The following TRIM27 variants were observed in gnomAD, a reference collection of about 807,000 sequenced individuals.
The protein encoded by TRIM27 is zinc finger protein RFP.
TRIM27 carries 12 observed loss-of-function variants against 57.6 expected under a neutral mutation model. The observed-to-expected ratio is 0.21, with a 90% CI of 0.13 to 0.34. The LOEUF (loss-of-function observed/expected upper bound fraction) is 0.34, where lower values mean the gene tolerates loss of function less well. TRIM27 is among the 10% of genes least tolerant of loss of function. The pLI, the probability that TRIM27 is intolerant of heterozygous loss-of-function variation, is 1.00. For synonymous variants in TRIM27, 266 were observed against 259.0 expected, an observed-to-expected ratio of 1.03 and a Z score of -0.26; for missense variants, 403 against 656.8, an observed-to-expected ratio of 0.61 and a Z score of 4.22.
Position 28,911,732 on chromosome 6 carries a change from G to GA in TRIM27, c.748-15dup, listed in dbSNP as rs546798772. The GA allele has an allele frequency of 2.4e-3, 3,917 of 1,605,390 alleles. 15 individuals carry two copies. Among genetic ancestry groups the GA allele is most frequent in the Non-Finnish European group, 2.7e-3 (3,214 of 1,176,830 alleles). On this transcript the variant is annotated splice_polypyrimidine_tract_variant and intron_variant, in intron 3 of 7. Coordinates refer to ENST00000377199, the MANE Select transcript of TRIM27 (RefSeq NM_006510.5). Reference sequence around the variant, plus strand: ...GTCCCCAATGTCCTGCAAGAGAAAGGAAAAAAAATAACCATGAGAAGTCAT... The same window carrying GA: ...GTCCCCAATGTCCTGCAAGAGAAAGGAAAAAAAAATAACCATGAGAAGTCAT...
At chr6:28,918,807 C>T (rs1431175377) in intron 3 of TRIM27, among the ~76,000 whole-genome samples, 11 of 151,780 alleles carry the variant, frequency 7.2e-5, no homozygotes, top group African/African-American at 2.2e-4. Flanking sequence ...ACCCAGGAGG[C>T]GGAGGTTGCA....
In TRIM27 at chr6:28,918,066, T is replaced by C. The variant is rs371063585; in HGVS notation, c.747+1946A>G. ...GTCTCAATCTCCCGACCTCAGGTGA[T>C]CTGCCCACCTCGGCCTCCCAAAGTG... On this transcript the variant is annotated intron_variant, in intron 3 of 7. Transcript: ENST00000377199. Among the ~76,000 whole-genome samples the C allele has an allele frequency of 1.4e-3, 208 of 152,260 alleles. 2 individuals carry two copies. In the South Asian group the frequency reaches 0.022, roughly 16 times the overall value.
chr6:28,907,496 G>A (rs2150461536), intron 6 of TRIM27: 1 of 700,528 alleles, frequency 1.4e-6, no homozygotes, highest in South Asian at 1.5e-5. Flanking sequence ...ACATGCCTGA[G>A]ACTGGTAGAA....
At chr6:28,917,889 C>T (rs1262241745) in intron 3 of TRIM27, among the ~76,000 whole-genome samples, 1 of 151,414 alleles carries the variant, frequency 6.6e-6, no homozygotes, top group East Asian at 2.0e-4. Flanking sequence ...TGCAATGGCG[C>T]AATCTCGGCT....
chr6:28,907,332 T>C (rs1479069975), intron 6 of TRIM27, 70 bp from the exon 7 acceptor site: 2 of 1,503,778 alleles, frequency 1.3e-6, no homozygotes, highest in East Asian at 2.3e-5. Flanking sequence ...TAAGGGGGCT[T>C]TGGTTAGTCA....
chr6:28,923,246 C>G lies in TRIM27; in HGVS notation c.387G>C (p.Val129=). 1 of 1,603,592 alleles carries G rather than the reference C, an allele frequency of 6.2e-7. No homozygotes were observed. Among genetic ancestry groups the G allele is most frequent in the Non-Finnish European group, 8.5e-7 (1 of 1,175,218 alleles). Residue 129 remains valine, a synonymous_variant, in exon 1 of 8, where the codon GTG becomes GTC. Coordinates refer to ENST00000377199, the MANE Select transcript of TRIM27 (RefSeq NM_006510.5). ...DRSREHRGHS[V]LPLEEAVEGF... is the part of the protein sequence containing the mutation. Reference sequence around the variant, plus strand: ...CCTCCACCGCCTCCTCGAGCGGCAGCACGCTGTGGCCGCGGTGCTCGCGGG... The same window carrying G: ...CCTCCACCGCCTCCTCGAGCGGCAGGACGCTGTGGCCGCGGTGCTCGCGGG...
chr6:28,905,535 T>A (rs527597920), intron 7 of TRIM27: 1 of 152,286 alleles, frequency 6.6e-6, no homozygotes, highest in East Asian at 1.9e-4. Context: ...ACTTTTTAAA[T>A]CACTCTTTTA....
rs1490647161 is a variant in TRIM27 at position 28,923,513 on chromosome 6, G to A, written c.120C>T (p.Leu40=). Residue 40 remains leucine (L), a synonymous_variant, in exon 1 of 8, where the codon CTC becomes CTT. Coordinates refer to ENST00000377199, the MANE Select transcript of TRIM27 (RefSeq NM_006510.5). ...TCTCTGCCGTGCCCCAGCAGCGGGC[G>A]AGGCACGCGCAACAGATGTTATGGC... ...DCGHNICCAC[L]ARCWGTAETN... 1.2e-6 allele frequency: 2 copies of A among 1,612,012 alleles called. No homozygotes were observed. The highest frequency in any genetic ancestry group is 1.7e-5 in the Admixed American group (1 of 59,906).
At chr6:28,921,060 A>G (rs1045553606) in intron 2 of TRIM27, among the ~76,000 whole-genome samples, 1 of 152,110 alleles carries the variant, frequency 6.6e-6, no homozygotes, top group African/African-American at 2.4e-5. Flanking sequence ...CACCACCAAC[A>G]GGACTCTATT....
chr6:28,923,817 G>A lies in TRIM27; in HGVS notation c.-185C>T. 1.6e-6 allele frequency: 1 copy of A among 632,396 alleles called. No homozygotes were observed. Among genetic ancestry groups the A allele is most frequent in the Non-Finnish European group, 2.6e-6 (1 of 384,180 alleles). The allele number at this position is 632,396 out of a possible 1,614,324, so 39.2% of individuals were successfully genotyped here. A position where few individuals can be genotyped will look rare whatever the true frequency, so the allele number is the denominator to read the frequency against. ...GAAGGCTTGGAGTGGCCGGGCCGAT[G>A]CCTGCGCCTGTGCCCCCTAAGCGAG... On this transcript the variant is annotated 5_prime_UTR_variant, in exon 1 of 8. Coordinates refer to ENST00000377199, the MANE Select transcript of TRIM27 (RefSeq NM_006510.5).
Position 28,917,083 on chromosome 6 carries a change from G to A in TRIM27, c.747+2929C>T, listed in dbSNP as rs6924621. Among the ~76,000 whole-genome samples, 279 of 149,348 alleles carry A rather than the reference G, an allele frequency of 1.9e-3. 1 individual carries two copies. Among genetic ancestry groups the A allele is most frequent in the African/African-American group, 6.7e-3 (269 of 40,058 alleles). The stretch of plus-strand genomic sequence containing the variant: ...TCTGAGCCTGGGAGGTCAAGGCTGC[G>A]GTGAGCCATGATCATGTCACTGCAC... On this transcript the variant is annotated intron_variant, in intron 3 of 7. Transcript: ENST00000377199.
At chr6:28,911,432 T>G in intron 4 of TRIM27, 1 of 430,574 alleles carries the variant, frequency 2.3e-6, no homozygotes, top group Non-Finnish European at 4.1e-6. Context: ...CCCAGGTCCC[T>G]GTAAGGCCAC....
At chr6:28,910,327 TCTTA>T (rs1285281835) in intron 4 of TRIM27, among the ~76,000 whole-genome samples, 1 of 122,428 alleles carries the variant, frequency 8.2e-6, no homozygotes, top group Non-Finnish European at 1.6e-5. Flanking sequence ...CCTGCACATT[TCTTA>T]CTTTTTTTTT....
chr6:28,915,934 T>G (rs1303872336), intron 3 of TRIM27, among the ~76,000 whole-genome samples: 1 of 152,168 alleles, frequency 6.6e-6, no homozygotes, highest in East Asian at 1.9e-4. Context: ...ATATATTTTT[T>G]GAGATGGAGT....
intron 6 of TRIM27, chr6:28,908,590 A>G (rs1475669363): frequency 3.9e-6 from 2 of 512,924 alleles, no homozygotes; most frequent in Non-Finnish European, 6.9e-6. Context: ...TCCTCCATCA[A>G]TGCAGACTGC....
intron 3 of TRIM27, among the ~76,000 whole-genome samples, chr6:28,912,451 G>C (rs568792076): frequency 1.3e-5 from 2 of 151,524 alleles, no homozygotes; most frequent in African/African-American, 4.8e-5. Context: ...CTTGTCAGGC[G>C]CGGTGGCTCA....
rs138664388 is a variant in TRIM27 at position 28,920,057 on chromosome 6, A to T, written c.702T>A (p.Ala234=). ...GCTGCTGCTGCTTCTCTTCTAGCTG[A>T]GCGATCAGGCTGCTGAGGTGGGAGA... ...CNISHLSSLI[A]QLEEKQQQPT... Residue 234 remains alanine, a synonymous_variant, in exon 3 of 8, where the codon GCT becomes GCA. Transcript: ENST00000377199. 1 of 1,613,912 alleles carries T rather than the reference A, an allele frequency of 6.2e-7. No individual in the cohort carries two copies. Among genetic ancestry groups the T allele is most frequent in the African/African-American group, 1.3e-5 (1 of 74,936 alleles).
chr6:28,919,911 A>G, intron 3 of TRIM27, 101 bp downstream of exon 3: 1 of 1,091,976 alleles, frequency 9.2e-7, no homozygotes, highest in Non-Finnish European at 1.3e-6. Context: ...CTATTCCTGC[A>G]GAGTTAAAAA....
At chr6:28,920,974 G>A (rs534642677) in intron 2 of TRIM27, among the ~76,000 whole-genome samples, 1 of 152,190 alleles carries the variant, frequency 6.6e-6, no homozygotes, top group Admixed American at 6.5e-5. Flanking sequence ...AGGGGGAGAG[G>A]TGCTCTCCCC....
Sources: gnomAD v4.1 joint callset for allele counts (sites outside exome capture counted in the v4.1 genomes callset) on GRCh38, gnomAD v4.1.1 for gene constraint, MANE v1.5 for transcripts, NCBI Gene and HGNC (gene_info 2026-07-23, HGNC 2026-07-21) for gene names.